Variants in TPH2 observed in about 807,000 individuals in gnomAD.
TPH2 encodes tryptophan 5-hydroxylase 2.
In TPH2, 27 loss-of-function variants were observed where a neutral mutation model predicts 59.1. The ratio of observed to expected loss-of-function variants is 0.46; its 90% CI spans 0.34 to 0.63. The LOEUF (loss-of-function observed/expected upper bound fraction) is 0.63, where lower values mean the gene tolerates loss of function less well. Among genes scored for constraint, TPH2 ranks in the 30% least tolerant of loss-of-function variants. The probability of loss-of-function intolerance (pLI) is 0.01; values close to 1 mark genes in which losing one functional copy is unlikely to be tolerated. For synonymous variants in TPH2, 220 were observed against 210.5 expected (o/e 1.05, Z -0.39); for missense variants, 523 against 588.3 (o/e 0.89, Z 1.15).
At chr12:72,027,153 A>T (rs1592418594) in intron 9 of TPH2, among the ~76,000 whole-genome samples, 1 of 152,194 alleles carries the variant, frequency 6.6e-6, no homozygotes. Flanking sequence ...TCATTGAAAA[A>T]GCAGGTGTCT....
chr12:71,991,961 A>C (rs1190519340), intron 7 of TPH2, among the ~76,000 whole-genome samples: 3 of 152,146 alleles, frequency 2.0e-5, no homozygotes, highest in Non-Finnish European at 4.4e-5. Flanking sequence ...GCTGTGTCTT[A>C]TTATCACCTG....
In TPH2 at chr12:71,941,749, C is replaced by A. The variant is rs774266252; in HGVS notation, c.255+16C>A. ...GCTCTTTCAGGTGAATGTGAAATAT[C>A]ATTACATAATTTTAAAAGTGACCGT... On this transcript the variant is annotated intron_variant, in intron 2 of 10. Transcript: ENST00000333850. 2.5e-5 allele frequency: 41 copies of A among 1,612,400 alleles called. No individual in the cohort carries two copies. Among genetic ancestry groups the A allele is most frequent in the Non-Finnish European group, 3.1e-5 (37 of 1,178,488 alleles).
At chr12:71,993,620 T>C (rs139480464) in intron 7 of TPH2, among the ~76,000 whole-genome samples, 1 of 152,348 alleles carries the variant, frequency 6.6e-6, no homozygotes, top group East Asian at 1.9e-4. Context: ...TATTATTACC[T>C]AGTTCAGGCT....
intron 7 of TPH2, among the ~76,000 whole-genome samples, chr12:71,983,069 A>T (rs76738697): frequency 2.7e-4 from 1 of 3,736 alleles, no homozygotes; most frequent in Middle Eastern, 0.1. Flanking sequence ...CTATAAAAAT[A>T]AAAAAAAAAA....
intron 6 of TPH2, among the ~76,000 whole-genome samples, chr12:71,975,655 A>G (rs1383829198): frequency 2.6e-5 from 4 of 152,202 alleles, no homozygotes; most frequent in African/African-American, 9.7e-5. Flanking sequence ...CAGGACTCAG[A>G]GCAAGTCCTG....
intron 7 of TPH2, among the ~76,000 whole-genome samples, chr12:71,989,597 G>T (rs1030608463): frequency 6.6e-6 from 1 of 152,188 alleles, no homozygotes; most frequent in African/African-American, 2.4e-5. Flanking sequence ...TGCAGATTTT[G>T]GATGGGAAGC....
chr12:72,031,315 C>T lies in TPH2; in HGVS notation c.1222C>T (p.Gln408Ter). The change falls in exon 10 of 11, where the codon CAG (glutamine) becomes TAG (stop). Residue 408 changes from glutamine to a stop codon, truncating the protein, a stop_gained. Coordinates refer to ENST00000333850, the MANE Select transcript of TPH2 (RefSeq NM_173353.4). LOFTEE classifies it high-confidence loss of function. ...KAFDPKTTCL[Q>*]ECLITTFQEA... ...CTTTGACCCAAAGACAACTTGCTTACAGGAATGCCTTATCACCACCTTCCA... is the reference window on the plus strand; with the variant it reads ...CTTTGACCCAAAGACAACTTGCTTATAGGAATGCCTTATCACCACCTTCCA... 2 of 1,613,682 alleles carry T rather than the reference C, an allele frequency of 1.2e-6. No individual in the cohort carries two copies. The highest frequency in any genetic ancestry group is 8.5e-7 in the Non-Finnish European group (1 of 1,179,658).
At chr12:71,950,668 A>G (rs568947207) in intron 5 of TPH2, among the ~76,000 whole-genome samples, 1 of 152,298 alleles carries the variant, frequency 6.6e-6, no homozygotes, top group South Asian at 2.1e-4. Context: ...TTGTCATCAG[A>G]ACAAAATGCA....
At chr12:72,028,863 T>C (rs1031504539) in intron 9 of TPH2, among the ~76,000 whole-genome samples, 4 of 152,176 alleles carry the variant, frequency 2.6e-5, no homozygotes, top group African/African-American at 7.2e-5. Flanking sequence ...TCAAGCGTGA[T>C]CTATATTCCT....
chr12:71,952,264 G>A (rs1412065303), intron 5 of TPH2, among the ~76,000 whole-genome samples: 5 of 152,112 alleles, frequency 3.3e-5, no homozygotes, highest in Non-Finnish European at 7.4e-5. Flanking sequence ...TGTGATGTCT[G>A]TAGAGAAAAA....
intron 6 of TPH2, 122 bp downstream of exon 6, chr12:71,972,837 C>A: frequency 9.0e-7 from 1 of 1,111,714 alleles, no homozygotes; most frequent in Non-Finnish European, 1.3e-6. Context: ...AAATTGTTGG[C>A]TTTGAGCCAA....
intron 8 of TPH2, among the ~76,000 whole-genome samples, chr12:72,001,569 G>C (rs996296360): frequency 1.3e-5 from 2 of 151,942 alleles, no homozygotes; most frequent in Admixed American, 6.6e-5. Context: ...GGGATTACAG[G>C]CATGTGCCCG....
chr12:72,008,657 G>A (rs557861306), intron 8 of TPH2, among the ~76,000 whole-genome samples: 1 of 152,258 alleles, frequency 6.6e-6, no homozygotes, highest in East Asian at 1.9e-4. Flanking sequence ...GGTGAATAAA[G>A]GGAGGCTCAG....
chr12:71,940,067 T>A (rs188516219), intron 1 of TPH2, among the ~76,000 whole-genome samples: 1 of 152,334 alleles, frequency 6.6e-6, no homozygotes. Flanking sequence ...GAGGCCAAAA[T>A]GTAAATAGAT....
At chr12:72,018,923 C>T (rs1316225462) in intron 8 of TPH2, among the ~76,000 whole-genome samples, 1 of 152,182 alleles carries the variant, frequency 6.6e-6, no homozygotes, top group Admixed American at 6.5e-5. Flanking sequence ...ATGTCACCAT[C>T]TAGACTGCTC....
intron 2 of TPH2, among the ~76,000 whole-genome samples, chr12:71,942,648 A>G (rs1270951144): frequency 6.6e-6 from 1 of 152,164 alleles, no homozygotes; most frequent in Non-Finnish European, 1.5e-5. Flanking sequence ...ACCTAACAGG[A>G]TTGCTGGGAC....
intron 8 of TPH2, among the ~76,000 whole-genome samples, chr12:72,018,535 C>T (rs1873319592): frequency 6.6e-6 from 1 of 152,096 alleles, no homozygotes; most frequent in Non-Finnish European, 1.5e-5. Context: ...ATTATGTATG[C>T]ATTGATTCAG....
chr12:71,954,768 T>A (rs1871447220), intron 5 of TPH2, among the ~76,000 whole-genome samples: 1 of 152,180 alleles, frequency 6.6e-6, no homozygotes, highest in East Asian at 1.9e-4. Context: ...TGACTAGAAA[T>A]AAACACATTT....
intron 5 of TPH2, among the ~76,000 whole-genome samples, chr12:71,969,905 T>G (rs1871924010): frequency 6.6e-6 from 1 of 152,206 alleles, no homozygotes; most frequent in African/African-American, 2.4e-5. Context: ...AAAATGGAGA[T>G]AATAACAGTA....
Sources: allele counts gnomAD v4.1 joint callset (sites outside exome capture counted in the v4.1 genomes callset), GRCh38; gene constraint gnomAD v4.1.1; transcripts MANE v1.5; gene names NCBI Gene and HGNC (gene_info 2026-07-23, HGNC 2026-07-21).